Variants in TJP1 observed in about 807,000 individuals in gnomAD.
The protein encoded by TJP1 is tight junction protein 1.
Under a neutral mutation model 194.2 loss-of-function variants are expected in TJP1, and 43 were observed. That is an observed-to-expected ratio of 0.22 (90% CI 0.17 to 0.29). The LOEUF is 0.29. TJP1 is among the 10% of genes least tolerant of loss of function. TJP1 has a pLI of 1.00. For synonymous variants in TJP1, 801 were observed against 779.0 expected (o/e 1.03, Z -0.47); for missense variants, 1,971 against 2,185.7 (o/e 0.90, Z 1.96).
chr15:29,898,024 T>C (rs534380634), intron 2 of TJP1, among the ~76,000 whole-genome samples: 122 of 152,238 alleles, frequency 8.0e-4, no homozygotes, highest in Non-Finnish European at 1.6e-3. Flanking sequence ...AAAGGCATGA[T>C]TGGTTTTGAA....
chr15:29,852,283 C>T, intron 2 of TJP1, among the ~76,000 whole-genome samples: 1 of 152,082 alleles, frequency 6.6e-6, no homozygotes, highest in East Asian at 1.9e-4. Flanking sequence ...AAAAAACAAA[C>T]AGCCCAAGTA....
At chr15:29,739,734 T>G (rs898453154) in intron 10 of TJP1, among the ~76,000 whole-genome samples, 2 of 152,086 alleles carry the variant, frequency 1.3e-5, no homozygotes, top group Non-Finnish European at 2.9e-5. Context: ...CATGAGCCAC[T>G]GCGCCCGGCC....
chr15:29,886,061 T>G (rs957136251), intron 2 of TJP1, among the ~76,000 whole-genome samples: 1 of 152,232 alleles, frequency 6.6e-6, no homozygotes, highest in African/African-American at 2.4e-5. Flanking sequence ...CCCCTCATCA[T>G]CTATAATCCA....
chr15:29,852,904 CA>C (rs533028834), intron 2 of TJP1, among the ~76,000 whole-genome samples: 53 of 128,998 alleles, frequency 4.1e-4, no homozygotes, highest in Non-Finnish European at 3.5e-4. Context: ...AACTTCATCT[CA>C]AAAAAAAAAA....
At chr15:29,758,376 T>G (rs1195445492) in intron 8 of TJP1, among the ~76,000 whole-genome samples, 1 of 152,046 alleles carries the variant, frequency 6.6e-6, no homozygotes, top group Non-Finnish European at 1.5e-5. Flanking sequence ...ATGAAAATAC[T>G]TAAGATACCT....
intron 8 of TJP1, among the ~76,000 whole-genome samples, chr15:29,758,065 C>G (rs2045761996): frequency 6.6e-6 from 1 of 152,214 alleles, no homozygotes; most frequent in Admixed American, 6.5e-5. Flanking sequence ...TTAACACTTT[C>G]TTTTCTTTAG....
chr15:29,891,712 G>C (rs1406792025), intron 2 of TJP1, among the ~76,000 whole-genome samples: 1 of 151,988 alleles, frequency 6.6e-6, no homozygotes, highest in East Asian at 1.9e-4. Context: ...ATTGTTTTGG[G>C]GCACCACAAA....
At chr15:29,963,073 G>A (rs574214876) in intron 1 of TJP1, among the ~76,000 whole-genome samples, 2 of 152,260 alleles carry the variant, frequency 1.3e-5, no homozygotes, top group Admixed American at 6.5e-5. Flanking sequence ...CCCGGGAGGC[G>A]GAGGTTGCAG....
At chr15:29,926,110 A>T (rs1718990) in intron 2 of TJP1, among the ~76,000 whole-genome samples, 28,998 of 152,264 alleles carry the variant, frequency 0.19, 2,886 homozygotes, top group East Asian at 0.35. Flanking sequence ...CAACAGACTT[A>T]ATGAAAACCA....
chr15:29,766,822 T>A (rs2046360643), intron 4 of TJP1, among the ~76,000 whole-genome samples: 1 of 152,132 alleles, frequency 6.6e-6, no homozygotes, highest in Non-Finnish European at 1.5e-5. Context: ...GGTGTAATAA[T>A]CACAAGCTTA....
rs927049484 is a variant in TJP1, at chr15:29,719,902, T to C, written c.2878A>G (p.Thr960Ala). 2 of 1,613,958 alleles carry C rather than the reference T, an allele frequency of 1.2e-6. No homozygotes were observed. The highest frequency in any genetic ancestry group is 1.7e-6 in the Non-Finnish European group (2 of 1,180,012). Residue 960 changes from threonine to alanine, a missense_variant, in exon 20 of 28, where the codon ACC becomes GCC. Transcript: ENST00000614355. Reference protein sequence around the residue: ...NLTNVRLEEPTPAPSTSYSPQ... With the variant: ...NLTNVRLEEPAPAPSTSYSPQ... ...GAGTAAGAGGTGGAAGGAGCTGGGG[T>C]GGGCTCCTCCAGTCTGACATTAGTT... is the stretch of plus-strand genomic sequence containing the variant.
At chr15:29,773,130 G>A (rs2046797305) in intron 3 of TJP1, 103 bp downstream of exon 3, 6 of 1,351,934 alleles carry the variant, frequency 4.4e-6, no homozygotes, top group Non-Finnish European at 6.0e-6. Flanking sequence ...CAGGTGGAGT[G>A]TGAATATGAC....
At position 29,718,699 on chromosome 15, in the gene TJP1, T is replaced by C. The variant is rs757755912; in HGVS notation, c.3443A>G (p.Gln1148Arg). 1.9e-6 allele frequency: 3 copies of C among 1,614,190 alleles called. No individual in the cohort carries two copies. Among genetic ancestry groups the C allele is most frequent in the Non-Finnish European group, 1.7e-6 (2 of 1,180,036 alleles). The change falls in exon 21 of 28, where the codon CAG becomes CGG. Residue 1148 changes from glutamine to arginine, a missense_variant. Around this residue, in one of 5 missense-constraint regions of TJP1, gnomAD observed 1,108 missense variants for 1,128.5 expected, o/e 0.98. Transcript: ENST00000614355. ...CCGCAGGGCGGATGCTCTAGGTGCCTGTTCGTAACGTGGTCTGCTGTCGTA... is the reference window on the plus strand; with the variant it reads ...CCGCAGGGCGGATGCTCTAGGTGCCCGTTCGTAACGTGGTCTGCTGTCGTA... ...LSYDSRPRYE[Q>R]APRASALRHE...
intron 2 of TJP1, among the ~76,000 whole-genome samples, chr15:29,782,812 T>C (rs2047446448): frequency 7.1e-6 from 1 of 140,986 alleles, no homozygotes; most frequent in Admixed American, 7.8e-5. Context: ...AAAGGTCTAA[T>C]ATCCATCATC....
intron 2 of TJP1, among the ~76,000 whole-genome samples, chr15:29,844,496 A>T (rs2051339758): frequency 6.6e-6 from 1 of 152,184 alleles, no homozygotes; most frequent in Non-Finnish European, 1.5e-5. Context: ...CCTGGACCAG[A>T]CAGCATCAGT....
At chr15:29,748,957 C>CGT (rs3084337) in intron 8 of TJP1, among the ~76,000 whole-genome samples, 1 of 48,754 alleles carries the variant, frequency 2.1e-5, no homozygotes, top group African/African-American at 5.6e-5. Flanking sequence ...TGTGTGTGCG[C>CGT]GTGTGTGCGC....
intron 2 of TJP1, among the ~76,000 whole-genome samples, chr15:29,863,664 T>G (rs1403758707): frequency 2.6e-5 from 4 of 152,068 alleles, no homozygotes; most frequent in African/African-American, 9.7e-5. Flanking sequence ...GCAGTGATGA[T>G]GTAGACAGAG....
At chr15:29,961,864 G>A (rs1339008551) in intron 1 of TJP1, among the ~76,000 whole-genome samples, 3 of 152,178 alleles carry the variant, frequency 2.0e-5, no homozygotes, top group Non-Finnish European at 4.4e-5. Context: ...TTCCTAGACA[G>A]ACCCTCATTT....
chr15:29,967,018 CT>C (rs200016160), intron 1 of TJP1, among the ~76,000 whole-genome samples: 218 of 144,674 alleles, frequency 1.5e-3, no homozygotes, highest in Admixed American at 1.9e-3. Flanking sequence ...ATTAAAATAT[CT>C]TTTTTTTTTT....
Sources: gnomAD v4.1 joint callset for allele counts (sites outside exome capture counted in the v4.1 genomes callset) on GRCh38, gnomAD v4.1.1 for gene constraint, gnomAD v4.1.1 regional missense constraint, MANE v1.5 for transcripts, NCBI Gene and HGNC (gene_info 2026-07-23, HGNC 2026-07-21) for gene names.